Variants in PPP1R21 observed in about 807,000 individuals in gnomAD.
PPP1R21 encodes KLRAQ motif containing 1.
Under a neutral mutation model 112.8 loss-of-function variants are expected in PPP1R21, and 85 were observed. That is an observed-to-expected ratio of 0.75 (90% CI 0.63 to 0.90). The LOEUF is 0.90. Among genes scored for constraint, PPP1R21 ranks in the 40% least tolerant of loss-of-function variants. PPP1R21 has a pLI of 0.00. For synonymous variants in PPP1R21, 381 were observed against 322.3 expected (o/e 1.18, Z -1.95); for missense variants, 1,199 against 901.5 (o/e 1.33, Z -4.23).
chr2:48,447,897 C>G (rs759860857), intron 1 of PPP1R21, among the ~76,000 whole-genome samples: 4 of 152,008 alleles, frequency 2.6e-5, no homozygotes, highest in Non-Finnish European at 5.9e-5. Flanking sequence ...CTGCAGTGAG[C>G]TGAGATTGCA....
chr2:48,472,038 G>A (rs1216632319), intron 11 of PPP1R21, among the ~76,000 whole-genome samples: 3 of 150,716 alleles, frequency 2.0e-5, no homozygotes, highest in African/African-American at 4.9e-5. Context: ...TCAGGAGTTC[G>A]AGACCAGCCT....
chr2:48,511,244 T>A, intron 20 of PPP1R21, 96 bp from the exon 21 acceptor site: 2 of 1,219,382 alleles, frequency 1.6e-6, no homozygotes, highest in South Asian at 2.9e-5. Context: ...GAAACTATAA[T>A]TTCCCTACTC....
Position 48,458,109 on chromosome 2 carries a change from C to G in PPP1R21, c.274-17C>G, listed in dbSNP as rs1271881528. ...AAGGATGAAAGTTATGTGGACATAA[C>G]TTATTCTTTCCATCAGAAAAGTGGA... On this transcript the variant is annotated splice_polypyrimidine_tract_variant and intron_variant, in intron 3 of 21. Transcript: ENST00000294952. 4.5e-6 allele frequency: 7 copies of G among 1,550,630 alleles called. No individual in the cohort carries two copies. Among genetic ancestry groups the G allele is most frequent in the South Asian group, 3.4e-5 (3 of 89,476 alleles).
chr2:48,496,709 C>G (rs951266610), intron 16 of PPP1R21, among the ~76,000 whole-genome samples: 1 of 150,820 alleles, frequency 6.6e-6, no homozygotes, highest in African/African-American at 2.5e-5. Flanking sequence ...CTCAAGTGAT[C>G]CCCTGCCTTG....
At chr2:48,478,255 A>T (rs1330541618) in intron 12 of PPP1R21, among the ~76,000 whole-genome samples, 1 of 152,244 alleles carries the variant, frequency 6.6e-6, no homozygotes. Flanking sequence ...TGTTTGTGGT[A>T]CTTCATTACA....
intron 2 of PPP1R21, 181 bp from the exon 3 acceptor site, chr2:48,454,414 C>G (rs901335759): frequency 2.1e-5 from 14 of 666,652 alleles, no homozygotes; most frequent in Non-Finnish European, 3.0e-5. Context: ...TTGGTTTAGC[C>G]AAAAGATTAT....
At chr2:48,487,340 C>G (rs751397586) in intron 14 of PPP1R21, among the ~76,000 whole-genome samples, 26 of 152,140 alleles carry the variant, frequency 1.7e-4, no homozygotes, top group Admixed American at 3.9e-4. Context: ...GGTTTTGTAT[C>G]TAAACAAGTA....
At position 48,475,698 on chromosome 2, in the gene PPP1R21, T is replaced by C. The variant is rs1175872309; in HGVS notation, c.1225+879T>C. ...CCTCATCTCTACTAAAAATACAAAA[T>C]CAGCTGGGTGTGGTGGTGCGTGCCT... is the stretch of plus-strand genomic sequence containing the variant. On this transcript the variant is annotated intron_variant, in intron 12 of 21. Coordinates refer to ENST00000294952, the MANE Select transcript of PPP1R21 (RefSeq NM_001135629.3). 2.0e-5 allele frequency among the ~76,000 whole-genome samples: 3 copies of C among 151,922 alleles called. No individual in the cohort carries two copies. The East Asian group carries it at 5.8e-4, about 30-fold the overall frequency.
intron 9 of PPP1R21, among the ~76,000 whole-genome samples, chr2:48,466,086 CG>C (rs1044415197): frequency 2.0e-5 from 3 of 152,138 alleles, no homozygotes; most frequent in African/African-American, 7.2e-5. Flanking sequence ...GAGAACAGCA[CG>C]GGAAAGACCC....
At chr2:48,494,869 C>G (rs1313645396) in intron 15 of PPP1R21, among the ~76,000 whole-genome samples, 1 of 152,048 alleles carries the variant, frequency 6.6e-6, no homozygotes, top group East Asian at 1.9e-4. Context: ...AGGTGTGTGC[C>G]ACCACGCCTG....
chr2:48,474,535 A>T (rs1668663953), intron 11 of PPP1R21, 148 bp from the exon 12 acceptor site: 1 of 637,976 alleles, frequency 1.6e-6, no homozygotes, highest in African/African-American at 1.8e-5. Context: ...ATCATGATGT[A>T]AAAAAATGGA....
At chr2:48,442,872 C>T (rs1040562867) in intron 1 of PPP1R21, among the ~76,000 whole-genome samples, 6 of 152,032 alleles carry the variant, frequency 3.9e-5, no homozygotes, top group African/African-American at 1.4e-4. Context: ...TGAACTTTAC[C>T]TTTTGAGTAA....
intron 12 of PPP1R21, among the ~76,000 whole-genome samples, chr2:48,476,226 C>G (rs1458181965): frequency 6.6e-6 from 1 of 152,176 alleles, no homozygotes; most frequent in Non-Finnish European, 1.5e-5. Flanking sequence ...TCTTTTCTGA[C>G]TTCTTTCACT....
chr2:48,503,884 C>T lies in PPP1R21; in HGVS notation c.1936-1680C>T, dbSNP rs112658891. The stretch of plus-strand genomic sequence containing the variant: ...AAGAGAATTGCTTGAACCCAGGAGG[C>T]GGAGGTTGCAGTGAGTCAGGATCGC... On this transcript the variant is annotated intron_variant, in intron 17 of 21. Coordinates refer to ENST00000294952, the MANE Select transcript of PPP1R21 (RefSeq NM_001135629.3). 3.4e-5 allele frequency among the ~76,000 whole-genome samples: 5 copies of T among 146,634 alleles called. No homozygotes were observed. The South Asian group carries it at 1.1e-3, about 31-fold the overall frequency.
At chr2:48,487,760 C>CAAA (rs199685338) in intron 14 of PPP1R21, among the ~76,000 whole-genome samples, 79 of 74,586 alleles carry the variant, frequency 1.1e-3, no homozygotes, top group African/African-American at 3.6e-3. Flanking sequence ...GACCCTATCT[C>CAAA]AAAAAAAAAA....
chr2:48,510,161 T>G (rs748347507), intron 20 of PPP1R21, 48 bp downstream of exon 20: 4 of 1,413,064 alleles, frequency 2.8e-6, no homozygotes, highest in Non-Finnish European at 3.0e-6. Context: ...TCATTGAAAG[T>G]TCTTTGGTAG....
intron 2 of PPP1R21, among the ~76,000 whole-genome samples, chr2:48,453,621 C>T (rs576702211): frequency 3.9e-5 from 6 of 152,134 alleles, no homozygotes; most frequent in Non-Finnish European, 7.4e-5. Context: ...CTAAATATTT[C>T]TCTTTAGTTT....
At chr2:48,505,662 C>A in intron 18 of PPP1R21, 66 bp downstream of exon 18, 1 of 1,263,308 alleles carries the variant, frequency 7.9e-7, no homozygotes, top group South Asian at 1.3e-5. Context: ...TTGACAAAGT[C>A]CTGCAAAAGC....
At chr2:48,472,952 A>G (rs1668589004) in intron 11 of PPP1R21, among the ~76,000 whole-genome samples, 2 of 150,920 alleles carry the variant, frequency 1.3e-5, no homozygotes, top group African/African-American at 4.9e-5. Flanking sequence ...AAAAAAAAGA[A>G]AAGAATGTAT....
Sources: gnomAD v4.1 joint callset for allele counts (sites outside exome capture counted in the v4.1 genomes callset) on GRCh38, gnomAD v4.1.1 for gene constraint, MANE v1.5 for transcripts, NCBI Gene and HGNC (gene_info 2026-07-23, HGNC 2026-07-21) for gene names.